Variants in HPCAL1 observed in about 807,000 individuals in gnomAD.
The protein encoded by HPCAL1 is hippocalcin-like protein 1.
In HPCAL1, 8 loss-of-function variants were observed where a neutral mutation model predicts 17.1. That is an observed-to-expected ratio of 0.47 (90% confidence interval 0.27 to 0.84). The LOEUF is 0.84. Among genes scored for constraint, HPCAL1 ranks in the 40% least tolerant of loss-of-function variants. HPCAL1 has a pLI of 0.13. For missense variants in HPCAL1, 165 were observed against 271.1 expected (o/e 0.61, Z 2.75); for synonymous variants, 112 against 111.4 (o/e 1.01, Z -0.03).
At chr2:10,391,627 G>A (rs550786935) in intron 1 of HPCAL1, among the ~76,000 whole-genome samples, 4 of 152,200 alleles carry the variant, frequency 2.6e-5, no homozygotes, top group East Asian at 1.9e-4. Context: ...TTCCCCATCC[G>A]CTCTTCTGCC....
In HPCAL1 at chr2:10,426,955, C is replaced by A; in HGVS notation, c.*134C>A. The A allele has an allele frequency of 2.6e-6, 2 of 774,948 alleles. No homozygotes were observed. The highest frequency in any genetic ancestry group is 4.3e-6 in the Non-Finnish European group (2 of 466,694). The allele number at this position is 774,948 out of a possible 1,614,324, so 48.0% of individuals were successfully genotyped here. On this transcript the variant is annotated 3_prime_UTR_variant, in exon 5 of 5. Transcript: ENST00000307845. ...GCCTGGGGCATGCGTTGCACCTGCCCAGCCCGGTGGCTGCGCCTCCCTCCT... is the reference window on the plus strand; with the variant it reads ...GCCTGGGGCATGCGTTGCACCTGCCAAGCCCGGTGGCTGCGCCTCCCTCCT...
chr2:10,385,972 G>T (rs1371659581), intron 1 of HPCAL1, among the ~76,000 whole-genome samples: 2 of 152,178 alleles, frequency 1.3e-5, no homozygotes, highest in Admixed American at 6.5e-5. Flanking sequence ...TCTGGCCACT[G>T]AGCATGTGCT....
At chr2:10,424,341 GA>G (rs1350946854) in intron 4 of HPCAL1, 1 of 374,186 alleles carries the variant, frequency 2.7e-6, no homozygotes, top group Non-Finnish European at 5.5e-6. Context: ...GGGCTGATGG[GA>G]AATGTGTGTT....
intron 2 of HPCAL1, among the ~76,000 whole-genome samples, chr2:10,397,494 G>T (rs970989364): frequency 2.0e-5 from 3 of 152,098 alleles, no homozygotes; most frequent in Admixed American, 6.5e-5. Context: ...GGGTCTGTCT[G>T]AATCCGCCAC....
chr2:10,332,102 C>T (rs886970143), intron 1 of HPCAL1, among the ~76,000 whole-genome samples: 8 of 152,228 alleles, frequency 5.3e-5, no homozygotes, highest in South Asian at 4.1e-4. Context: ...CCTTGTCACC[C>T]GTTGTCAGGT....
chr2:10,345,612 A>G (rs1245515629), intron 1 of HPCAL1, among the ~76,000 whole-genome samples: 1 of 151,824 alleles, frequency 6.6e-6, no homozygotes, highest in Non-Finnish European at 1.5e-5. Flanking sequence ...GTGAGCCACC[A>G]CACCCAGCTA....
In HPCAL1 at chr2:10,385,451, G is replaced by A. The variant is rs960585015; in HGVS notation, c.-110-11384G>A. ...TGCTCCAGGCTTGCTTCCCTGGCAG[G>A]GAGGCTTGGTGATCCAAGTTCCTTG... On this transcript the variant is annotated intron_variant, in intron 1 of 4. Transcript: ENST00000307845. Among the ~76,000 whole-genome samples the A allele has an allele frequency of 2.0e-5, 3 of 152,142 alleles. 1 individual carries two copies. Among genetic ancestry groups the A allele is most frequent in the Non-Finnish European group, 2.9e-5 (2 of 68,010 alleles).
intron 1 of HPCAL1, among the ~76,000 whole-genome samples, chr2:10,378,248 T>A (rs11686879): frequency 8.8e-6 from 1 of 113,842 alleles, no homozygotes; most frequent in African/African-American, 3.5e-5. Context: ...TTTTTTTTTT[T>A]ACTGCTTTGA....
intron 1 of HPCAL1, among the ~76,000 whole-genome samples, chr2:10,374,702 C>T (rs576485249): frequency 5.9e-5 from 9 of 152,226 alleles, no homozygotes; most frequent in Non-Finnish European, 1.3e-4. Context: ...TTGAGCTGGG[C>T]ACCAGCAGGG....
At position 10,384,703 on chromosome 2, in the gene HPCAL1, T is replaced by C. The variant is rs1668198033; in HGVS notation, c.-110-12132T>C. Reference sequence around the variant, plus strand: ...AGCAGTTCACTGGGGAGTTAGGGAGTGTTCTAGGCAGAGTAAACAGTGCAG... The same window carrying C: ...AGCAGTTCACTGGGGAGTTAGGGAGCGTTCTAGGCAGAGTAAACAGTGCAG... On this transcript the variant is annotated intron_variant, in intron 1 of 4. Coordinates refer to ENST00000307845, the MANE Select transcript of HPCAL1 (RefSeq NM_002149.4). The surrounding 1 kb of genome is among the most constrained non-coding windows in gnomAD (Gnocchi z 4.4). 6.6e-6 allele frequency among the ~76,000 whole-genome samples: 1 copy of C among 151,736 alleles called. No individual in the cohort carries two copies. The highest frequency in any genetic ancestry group is 1.5e-5 in the Non-Finnish European group (1 of 67,912).
At chr2:10,358,515 G>A (rs942094642) in intron 1 of HPCAL1, among the ~76,000 whole-genome samples, 1 of 152,186 alleles carries the variant, frequency 6.6e-6, no homozygotes, top group African/African-American at 2.4e-5. Context: ...CTCCCATCCT[G>A]TGCCTATAAA....
rs373345229 is a variant in HPCAL1 at position 10,420,130 on chromosome 2, G to A, written c.373G>A (p.Val125Met). ...YISRSEMLEI[V>M]QAIYKMVSSV... Reference sequence around the variant, plus strand: ...CAGCCGCAGCGAGATGCTGGAGATCGTGCAGGTACCGGCGCCCGAGGCCCC... The same window carrying A: ...CAGCCGCAGCGAGATGCTGGAGATCATGCAGGTACCGGCGCCCGAGGCCCC... Residue 125 changes from valine (V) to methionine (M), a missense_variant, in exon 3 of 5, where the codon GTG becomes ATG. Transcript: ENST00000307845. The A allele has an allele frequency of 1.9e-6, 3 of 1,606,602 alleles. No individual in the cohort carries two copies. Among genetic ancestry groups the A allele is most frequent in the South Asian group, 1.1e-5 (1 of 90,776 alleles).
chr2:10,413,525 T>C (rs1484742305), intron 2 of HPCAL1, among the ~76,000 whole-genome samples: 1 of 152,198 alleles, frequency 6.6e-6, no homozygotes, highest in Non-Finnish European at 1.5e-5. Flanking sequence ...GAGGAGGTGC[T>C]GAGTGAGGCA....
At chr2:10,402,822 G>A (rs768311929) in intron 2 of HPCAL1, among the ~76,000 whole-genome samples, 5 of 152,144 alleles carry the variant, frequency 3.3e-5, no homozygotes, top group Non-Finnish European at 5.9e-5. Context: ...GAGCTCAGCC[G>A]TGGGCAGCAC....
At chr2:10,328,935 C>G (rs1037217593) in intron 1 of HPCAL1, among the ~76,000 whole-genome samples, 2 of 151,594 alleles carry the variant, frequency 1.3e-5, no homozygotes, top group Non-Finnish European at 2.9e-5. Context: ...TAGTGGTGAG[C>G]CTTTAAATGC....
rs955803661 is a variant in HPCAL1, at chr2:10,331,413, C to G, written c.-111+28236C>G. 6.6e-6 allele frequency among the ~76,000 whole-genome samples: 1 copy of G among 152,222 alleles called. No individual in the cohort carries two copies. The highest frequency in any genetic ancestry group is 2.4e-5 in the African/African-American group (1 of 41,466). On this transcript the variant is annotated intron_variant, in intron 1 of 4. Transcript: ENST00000307845. This position sits in a 1 kb window ranked among gnomAD's most constrained non-coding sequence, Gnocchi z 5.0. ...AGCTCGGAGTTCTGCAGGCACGGGG[C>G]TGGCTCCTTTCTTCATGTCCCTTGT... is the stretch of plus-strand genomic sequence containing the variant.
At chr2:10,418,029 C>T (rs1670782588) in intron 2 of HPCAL1, among the ~76,000 whole-genome samples, 1 of 151,640 alleles carries the variant, frequency 6.6e-6, no homozygotes, top group South Asian at 2.1e-4. Flanking sequence ...GAGTGAGAGC[C>T]TGTCTCAAAA....
chr2:10,325,824 C>A (rs1192997549), intron 1 of HPCAL1, among the ~76,000 whole-genome samples: 3 of 152,244 alleles, frequency 2.0e-5, no homozygotes, highest in Admixed American at 2.0e-4. Context: ...GTCCCAGGCC[C>A]AGCTGCGGCC....
At chr2:10,361,122 C>A (rs866634666) in intron 1 of HPCAL1, among the ~76,000 whole-genome samples, 1 of 146,920 alleles carries the variant, frequency 6.8e-6, no homozygotes, top group African/African-American at 2.6e-5. Context: ...GAAAGCCCGG[C>A]GTGTCTGGCC....
Sources: allele counts gnomAD v4.1 joint callset (sites outside exome capture counted in the v4.1 genomes callset), GRCh38; gene constraint gnomAD v4.1.1; non-coding constraint Gnocchi (gnomAD v3.1); transcripts MANE v1.5; gene names NCBI Gene and HGNC (gene_info 2026-07-23, HGNC 2026-07-21).